SPX: variants seen among roughly 807,000 people sequenced by gnomAD.
SPX encodes spexin.
In SPX, 22 loss-of-function variants were observed where a neutral mutation model predicts 19.2. The observed-to-expected ratio is 1.15, with a 90% CI of 0.82 to 1.64. SPX has a LOEUF of 1.64. Ranked by LOEUF, SPX falls within the 40% of genes most tolerant of loss-of-function variation. The pLI is 0.00. For missense variants in SPX, 143 were observed against 137.7 expected, an observed-to-expected ratio of 1.04 and a Z score of -0.19; for synonymous variants, 50 against 53.3, an observed-to-expected ratio of 0.94 and a Z score of 0.27.
chr12:21,526,515 TA>T (rs747995624), intron 1 of SPX, 37 bp downstream of exon 1: 10 of 1,577,986 alleles, frequency 6.3e-6, no homozygotes, highest in African/African-American at 1.3e-5. Context: ...ACTTCTTAGC[TA>T]TTTTTTAAAA....
At chr12:21,527,270 G>A (rs1565586176) in intron 3 of SPX, 78 bp downstream of exon 3, 2 of 1,395,726 alleles carry the variant, frequency 1.4e-6, no homozygotes, top group Non-Finnish European at 1.0e-6. Flanking sequence ...GGAGAGTTAT[G>A]GAGAGAGAAT....
At chr12:21,527,465 C>G (rs1943824905) in intron 3 of SPX, 2 of 599,210 alleles carry the variant, frequency 3.3e-6, no homozygotes, top group Admixed American at 3.0e-5. Context: ...TGGGAAATAT[C>G]TCAGTAACCC....
At chr12:21,528,947 T>C (rs1197047595) in intron 4 of SPX, 54 bp from the exon 5 acceptor site, 16 of 1,478,230 alleles carry the variant, frequency 1.1e-5, no homozygotes, top group Non-Finnish European at 1.5e-5. Context: ...ATAGGACTTA[T>C]CTACATCAAT....
chr12:21,526,629 TA>T, intron 1 of SPX, 151 bp downstream of exon 1: 1 of 860,548 alleles, frequency 1.2e-6, no homozygotes, highest in Non-Finnish European at 1.8e-6. Context: ...TTGATTTTAC[TA>T]AGAAAAAAAT....
At chr12:21,531,084 T>A in intron 5 of SPX, 53 bp from the exon 6 acceptor site, 1 of 1,072,922 alleles carries the variant, frequency 9.3e-7, no homozygotes, top group Non-Finnish European at 1.4e-6. Context: ...TACCTTTTCC[T>A]CTATTAAAAC....
chr12:21,528,875 TC>T, intron 4 of SPX, 125 bp from the exon 5 acceptor site: 1 of 795,290 alleles, frequency 1.3e-6, no homozygotes, highest in Non-Finnish European at 2.1e-6. Context: ...GTGTAAGTAG[TC>T]CTTTGTTGAG....
rs750795752 is a variant in SPX, at chr12:21,526,468, A to G, written c.-5A>G. 4 of 1,592,944 alleles carry G rather than the reference A, an allele frequency of 2.5e-6. No individual in the cohort carries two copies. The highest frequency in any genetic ancestry group is 3.4e-6 in the Non-Finnish European group (4 of 1,165,076). On this transcript the variant is annotated 5_prime_UTR_variant, in exon 1 of 6. Coordinates refer to ENST00000256969, the MANE Select transcript of SPX (RefSeq NM_030572.4). ...TTATTTCAGGGTTCTGAAAAGACGC[A>G]GAACATGAAGGTAAGTAAAGGCTTT... is the stretch of plus-strand genomic sequence containing the variant.
Position 21,531,322 on chromosome 12 carries a change from T to C in SPX, c.*127T>C. ...AACACACACAGATAGTTTTATTCTT[T>C]CAGAAACAAAATATATATAGGATGC... On this transcript the variant is annotated 3_prime_UTR_variant, in exon 6 of 6. Transcript: ENST00000256969. The C allele has an allele frequency of 1.5e-6, 1 of 666,574 alleles. No individual in the cohort carries two copies. The highest frequency in any genetic ancestry group is 2.4e-6 in the Non-Finnish European group (1 of 417,260). 41.3% of individuals were successfully genotyped at this position (666,574 alleles called of 1,614,324 possible).
At position 21,528,904 on chromosome 12, in the gene SPX, A is replaced by T. The variant is rs185632027; in HGVS notation, c.209-97A>T. 156 of 1,103,150 alleles carry T rather than the reference A, an allele frequency of 1.4e-4. No homozygotes were observed. The African/African-American group carries it at 2.0e-3, about 14-fold the overall frequency. The allele number at this position is 1,103,150 out of a possible 1,614,324, so 68.3% of individuals were successfully genotyped here. Reference sequence around the variant, plus strand: ...TTGTTGAGGGGTCAAAATCTATTTCATAGAGGTTTTTCTAGTATTGCTGCA... The same window carrying T: ...TTGTTGAGGGGTCAAAATCTATTTCTTAGAGGTTTTTCTAGTATTGCTGCA... On this transcript the variant is annotated intron_variant, in intron 4 of 5. Transcript: ENST00000256969.
rs1356350210 is a variant in SPX, at chr12:21,531,605, C to T, written c.*410C>T. ...CTCCTTCTCTGTTTTCCTTTTATCC[C>T]ATCCCCAAGAATGTGGAAGGAAGGT... On this transcript the variant is annotated 3_prime_UTR_variant, in exon 6 of 6. Transcript: ENST00000256969. 2 of 154,142 alleles carry T rather than the reference C, an allele frequency of 1.3e-5. No individual in the cohort carries two copies. The highest frequency in any genetic ancestry group is 1.3e-4 in the Admixed American group (2 of 15,322). The allele number at this position is 154,142 out of a possible 1,614,324, so 9.5% of individuals were successfully genotyped here. A position where few individuals can be genotyped will look rare whatever the true frequency, so the allele number is the denominator to read the frequency against.
chr12:21,530,950 T>C (rs1397054731), intron 5 of SPX, among the ~76,000 whole-genome samples, 187 bp from the exon 6 acceptor site: 1 of 152,086 alleles, frequency 6.6e-6, no homozygotes, highest in Non-Finnish European at 1.5e-5. Flanking sequence ...TGTCCCAAGC[T>C]GAGAAAAAAA....
chr12:21,527,697 G>A (rs1392677887), intron 3 of SPX, 30 bp from the exon 4 acceptor site: 1 of 1,554,538 alleles, frequency 6.4e-7, no homozygotes, highest in African/African-American at 1.4e-5. Context: ...GGGCCAGGCT[G>A]TCGCTGAGCC....
chr12:21,530,071 T>C (rs1402736166), intron 5 of SPX, among the ~76,000 whole-genome samples: 2 of 152,222 alleles, frequency 1.3e-5, no homozygotes, highest in Non-Finnish European at 1.5e-5. Flanking sequence ...CTCAAGTCTT[T>C]TTTGGAAAAT....
chr12:21,527,380 T>C, intron 3 of SPX, 188 bp downstream of exon 3: 1 of 625,020 alleles, frequency 1.6e-6, no homozygotes, highest in Non-Finnish European at 2.8e-6. Context: ...TTGGAAATCC[T>C]CCATCCTTAT....
chr12:21,527,935 C>G (rs1943830673), intron 4 of SPX, 146 bp downstream of exon 4: 5 of 842,256 alleles, frequency 5.9e-6, no homozygotes, highest in Non-Finnish European at 8.8e-6. Flanking sequence ...ACAGTCCGCC[C>G]GAGGGCAGCC....
At chr12:21,527,284 G>A (rs781138040) in intron 3 of SPX, 92 bp downstream of exon 3, 159 of 1,312,712 alleles carry the variant, frequency 1.2e-4, no homozygotes, top group Non-Finnish European at 1.7e-4. Context: ...AGAGAATAAT[G>A]TCGAGTTTAT....
At position 21,531,250 on chromosome 12, in the gene SPX, A is replaced by G; in HGVS notation, c.*55A>G. Reference sequence around the variant, plus strand: ...TCTATTCTCTTTGAAAACATGAACCATGTGAATAAAACCTTTGGACCCTTT... The same window carrying G: ...TCTATTCTCTTTGAAAACATGAACCGTGTGAATAAAACCTTTGGACCCTTT... On this transcript the variant is annotated 3_prime_UTR_variant, in exon 6 of 6. Transcript: ENST00000256969. 9.9e-6 allele frequency: 13 copies of G among 1,314,428 alleles called. No homozygotes were observed. The highest frequency in any genetic ancestry group is 1.4e-5 in the Non-Finnish European group (13 of 945,202). 81.4% of individuals were successfully genotyped at this position (1,314,428 alleles called of 1,614,324 possible). A position where few individuals can be genotyped will look rare whatever the true frequency, so the allele number is the denominator to read the frequency against.
In SPX at chr12:21,532,344, T is replaced by C. The variant is rs1943873711; in HGVS notation, c.*1149T>C. ...TTATTTAGTAGCTCAAGAATATCTTTATGTGAATGTCTCTGTAACTTGGAA... is the reference window on the plus strand; with the variant it reads ...TTATTTAGTAGCTCAAGAATATCTTCATGTGAATGTCTCTGTAACTTGGAA... On this transcript the variant is annotated 3_prime_UTR_variant, in exon 6 of 6. Coordinates refer to ENST00000256969, the MANE Select transcript of SPX (RefSeq NM_030572.4). The C allele has an allele frequency of 6.6e-6, 1 of 152,252 alleles. No homozygotes were observed. The highest frequency in any genetic ancestry group is 2.1e-4 in the South Asian group (1 of 4,832). 9.4% of individuals were successfully genotyped at this position (152,252 alleles called of 1,614,324 possible). A position where few individuals can be genotyped will look rare whatever the true frequency, so the allele number is the denominator to read the frequency against.
rs953032384 is a variant in SPX at position 21,532,875 on chromosome 12, T to C, written c.*1680T>C. On this transcript the variant is annotated 3_prime_UTR_variant, in exon 6 of 6. Coordinates refer to ENST00000256969, the MANE Select transcript of SPX (RefSeq NM_030572.4). ...AGCTGTTAAAATATAGCTCCAAGTA[T>C]TCTAAGTACTCAAATTCCTTGAATG... 3.3e-5 allele frequency: 5 copies of C among 152,228 alleles called. No individual in the cohort carries two copies. The highest frequency in any genetic ancestry group is 1.2e-4 in the African/African-American group (5 of 41,464). The allele number at this position is 152,228 out of a possible 1,614,324, so 9.4% of individuals were successfully genotyped here.
Sources: gnomAD v4.1 joint callset for allele counts (sites outside exome capture counted in the v4.1 genomes callset) on GRCh38, gnomAD v4.1.1 for gene constraint, MANE v1.5 for transcripts, NCBI Gene and HGNC (gene_info 2026-07-23, HGNC 2026-07-21) for gene names.